Variants in FSIP1 observed in about 807,000 individuals in gnomAD.
FSIP1 encodes the protein fibrous sheath-interacting protein 1.
A neutral mutation model predicts 60.9 loss-of-function variants in FSIP1; 65 were observed. That is an observed-to-expected ratio of 1.07 (90% CI 0.87 to 1.31). The LOEUF is 1.31. Ranked by LOEUF, FSIP1 falls within the 40% of genes most tolerant of loss-of-function variation. The pLI, the probability that FSIP1 is intolerant of heterozygous loss-of-function variation, is 0.00. For missense variants in FSIP1, 675 were observed against 665.5 expected, an observed-to-expected ratio of 1.01 and a Z score of -0.16; for synonymous variants, 209 against 221.2, an observed-to-expected ratio of 0.94 and a Z score of 0.49.
At chr15:39,723,774 G>A (rs1294110986) in intron 9 of FSIP1, among the ~76,000 whole-genome samples, 2 of 152,176 alleles carry the variant, frequency 1.3e-5, no homozygotes, top group Non-Finnish European at 2.9e-5. Context: ...GCAACTGATT[G>A]GAACTCATTC....
intron 9 of FSIP1, among the ~76,000 whole-genome samples, chr15:39,720,400 C>G (rs1895905620): frequency 6.6e-6 from 1 of 152,024 alleles, no homozygotes; most frequent in South Asian, 2.1e-4. Flanking sequence ...GAAAATAAAT[C>G]AAATTAAGGA....
intron 11 of FSIP1, among the ~76,000 whole-genome samples, chr15:39,612,774 C>T (rs966681031): frequency 1.3e-5 from 2 of 151,968 alleles, no homozygotes; most frequent in African/African-American, 2.4e-5. Flanking sequence ...AGAAAGAAAA[C>T]TCAAATAAAT....
intron 5 of FSIP1, among the ~76,000 whole-genome samples, chr15:39,742,815 T>C (rs1283349516): frequency 6.6e-6 from 1 of 152,226 alleles, no homozygotes; most frequent in Non-Finnish European, 1.5e-5. Flanking sequence ...AATTTGGAAT[T>C]CATAATAATG....
intron 11 of FSIP1, among the ~76,000 whole-genome samples, chr15:39,610,406 G>A (rs1322925725): frequency 2.0e-5 from 3 of 152,198 alleles, no homozygotes; most frequent in Admixed American, 6.5e-5. Context: ...AGACGGTCAG[G>A]CGCAGTGGCT....
rs1891584102 is a variant in FSIP1, at chr15:39,625,071, CA to C, written c.1189-6827del. 3.3e-5 allele frequency among the ~76,000 whole-genome samples: 5 copies of C among 152,294 alleles called. No homozygotes were observed. In the South Asian group the frequency reaches 1.0e-3, roughly 32 times the overall value. On this transcript the variant is annotated intron_variant, in intron 10 of 11. Coordinates refer to ENST00000350221, the MANE Select transcript of FSIP1 (RefSeq NM_152597.5). ...TATGTGGGGCCTGGCATGGCAAAGT[CA>C]CCGTGCAGAATCAGACCCCACCCAT...
intron 5 of FSIP1, among the ~76,000 whole-genome samples, chr15:39,763,358 T>C (rs75211340): frequency 1.3e-5 from 2 of 152,212 alleles, no homozygotes; most frequent in East Asian, 1.9e-4. Flanking sequence ...CAAATATACA[T>C]ACAAACAAAG....
At chr15:39,679,939 A>G (rs1894093468) in intron 10 of FSIP1, among the ~76,000 whole-genome samples, 1 of 152,200 alleles carries the variant, frequency 6.6e-6, no homozygotes, top group African/African-American at 2.4e-5. Flanking sequence ...GAAACTTAGC[A>G]TTCATTTGAA....
At chr15:39,680,944 G>C (rs75131538) in intron 10 of FSIP1, among the ~76,000 whole-genome samples, 4,903 of 152,196 alleles carry the variant, frequency 0.032, 251 homozygotes, top group African/African-American at 0.11. Context: ...TCAGCTACTA[G>C]GGCCTGAACA....
At chr15:39,611,414 G>C (rs1891025668) in intron 11 of FSIP1, among the ~76,000 whole-genome samples, 1 of 152,080 alleles carries the variant, frequency 6.6e-6, no homozygotes, top group African/African-American at 2.4e-5. Context: ...ATCCTTCCAA[G>C]TAGATGGGAC....
At chr15:39,601,889 T>C (rs922251613) in intron 11 of FSIP1, among the ~76,000 whole-genome samples, 3 of 146,006 alleles carry the variant, frequency 2.1e-5, no homozygotes, top group Admixed American at 6.7e-5. Flanking sequence ...GGGCTGGGGT[T>C]GGGGAAAATG....
chr15:39,609,904 C>T (rs1890963393), intron 11 of FSIP1, among the ~76,000 whole-genome samples: 1 of 152,210 alleles, frequency 6.6e-6, no homozygotes, highest in African/African-American at 2.4e-5. Flanking sequence ...CCAACAGCAA[C>T]ACCAACAGCA....
chr15:39,717,957 G>A (rs1318300684), intron 9 of FSIP1, among the ~76,000 whole-genome samples: 1 of 152,204 alleles, frequency 6.6e-6, no homozygotes, highest in Non-Finnish European at 1.5e-5. Flanking sequence ...TGAGGGGGCT[G>A]GGGTTGGCTA....
chr15:39,651,090 GCATGAACCCATGGA>G (rs1892848977), intron 10 of FSIP1, among the ~76,000 whole-genome samples: 1 of 152,128 alleles, frequency 6.6e-6, no homozygotes, highest in African/African-American at 2.4e-5. Flanking sequence ...GGGAGGGTGG[GCATGAACCCATGGA>G]CATGAACCCA....
intron 10 of FSIP1, among the ~76,000 whole-genome samples, chr15:39,653,894 G>A (rs4505280): frequency 0.57 from 87,283 of 152,060 alleles, 26,663 homozygotes; most frequent in Non-Finnish European, 0.7. Flanking sequence ...CATCAGCAGC[G>A]TGAAACAGAC....
At chr15:39,716,784 T>C (rs1355793916) in intron 9 of FSIP1, among the ~76,000 whole-genome samples, 2 of 148,246 alleles carry the variant, frequency 1.3e-5, no homozygotes, top group Non-Finnish European at 3.0e-5. Context: ...TATACAAAGG[T>C]ACAACCACTT....
intron 5 of FSIP1, among the ~76,000 whole-genome samples, chr15:39,755,124 C>G (rs550766756): frequency 2.6e-5 from 4 of 151,972 alleles, no homozygotes; most frequent in African/African-American, 9.6e-5. Context: ...TTCATTGGTT[C>G]AATGGCTTTT....
At chr15:39,777,359 C>G (rs747644178) in intron 1 of FSIP1, among the ~76,000 whole-genome samples, 1 of 152,170 alleles carries the variant, frequency 6.6e-6, no homozygotes, top group Admixed American at 6.5e-5. Context: ...TCAACCCTCC[C>G]CTTCTAAAAC....
At chr15:39,623,207 G>C (rs16969410) in intron 10 of FSIP1, among the ~76,000 whole-genome samples, 1 of 151,956 alleles carries the variant, frequency 6.6e-6, no homozygotes, top group Non-Finnish European at 1.5e-5. Context: ...CTATATATCC[G>C]GAGTTTCTCC....
intron 10 of FSIP1, among the ~76,000 whole-genome samples, chr15:39,635,003 A>G (rs1892069303): frequency 6.6e-6 from 1 of 152,024 alleles, no homozygotes; most frequent in Admixed American, 6.6e-5. Context: ...TATGAGGTAC[A>G]AGCAAACTGT....
Sources: allele counts gnomAD v4.1 joint callset (sites outside exome capture counted in the v4.1 genomes callset), GRCh38; gene constraint gnomAD v4.1.1; transcripts MANE v1.5; gene names NCBI Gene and HGNC (gene_info 2026-07-23, HGNC 2026-07-21).